The following NRGN variants were observed in gnomAD, a reference collection of about 807,000 sequenced individuals.
NRGN encodes calmodulin-binding protein.
For synonymous variants in NRGN, 47 were observed against 52.8 expected (o/e 0.89, Z 0.47); for missense variants, 82 against 123.0 (o/e 0.67, Z 1.58).
chr11:124,745,891 G>C lies in NRGN; in HGVS notation c.*6-74G>C, dbSNP rs917140908. 1 of 390,380 alleles carries C rather than the reference G, an allele frequency of 2.6e-6. No homozygotes were observed. The highest frequency in any genetic ancestry group is 4.5e-6 in the Non-Finnish European group (1 of 223,538). 24.2% of individuals were successfully genotyped at this position (390,380 alleles called of 1,614,324 possible). A position where few individuals can be genotyped will look rare whatever the true frequency, so the allele number is the denominator to read the frequency against. ...GGAGGTGGGTGGGAAGAGGCTGAAGGTTGCGCGGATTCCAGGAGCTCACCT... is the reference window on the plus strand; with the variant it reads ...GGAGGTGGGTGGGAAGAGGCTGAAGCTTGCGCGGATTCCAGGAGCTCACCT... On this transcript the variant is annotated intron_variant, in intron 2 of 3. Coordinates refer to ENST00000284292, the MANE Select transcript of NRGN (RefSeq NM_006176.3). The surrounding 1 kb of genome is among the most constrained non-coding windows in gnomAD (Gnocchi z 6.4).
Position 124,740,006 on chromosome 11 carries a change from G to GC in NRGN, c.-74dup. The GC allele has an allele frequency of 1.6e-6, 1 of 624,372 alleles. No individual in the cohort carries two copies. Among genetic ancestry groups the GC allele is most frequent in the African/African-American group, 1.9e-5 (1 of 51,896 alleles). The allele number at this position is 624,372 out of a possible 1,614,324, so 38.7% of individuals were successfully genotyped here. ...TCGGCTGGCGGCCGACTGCCCCAGA[G>GC]CCCCCACCCGGCACCACACAGACCC... On this transcript the variant is annotated 5_prime_UTR_variant, in exon 1 of 4. Transcript: ENST00000284292. The surrounding 1 kb of genome is among the most constrained non-coding windows in gnomAD (Gnocchi z 7.5).
At chr11:124,741,336 A>G (rs1943964047) in intron 1 of NRGN, among the ~76,000 whole-genome samples, 1 of 152,222 alleles carries the variant, frequency 6.6e-6, no homozygotes, top group African/African-American at 2.4e-5. Flanking sequence ...GGATTCAAAC[A>G]TAGCCCTGTC....
At chr11:124,742,848 G>T (rs1943977071) in intron 1 of NRGN, among the ~76,000 whole-genome samples, 1 of 152,224 alleles carries the variant, frequency 6.6e-6, no homozygotes, top group African/African-American at 2.4e-5. Flanking sequence ...GGAGCTGAAG[G>T]AGACTTTGTT....
intron 1 of NRGN, among the ~76,000 whole-genome samples, chr11:124,743,540 G>C (rs1943983567): frequency 6.6e-6 from 1 of 151,734 alleles, no homozygotes; most frequent in Non-Finnish European, 1.5e-5. Context: ...CTGTTTTTTT[G>C]ACTCTTCTAC....
At chr11:124,742,036 G>A (rs1943970077) in intron 1 of NRGN, among the ~76,000 whole-genome samples, 3 of 152,218 alleles carry the variant, frequency 2.0e-5, no homozygotes, top group African/African-American at 7.2e-5. Flanking sequence ...CCTGTGCACA[G>A]GAGCCTTCCC....
chr11:124,739,966 C>T lies in NRGN; in HGVS notation c.-119C>T. 1 of 477,320 alleles carries T rather than the reference C, an allele frequency of 2.1e-6. No individual in the cohort carries two copies. Among genetic ancestry groups the T allele is most frequent in the Non-Finnish European group, 3.7e-6 (1 of 270,368 alleles). 29.6% of individuals were successfully genotyped at this position (477,320 alleles called of 1,614,324 possible). ...GAGACCGGACCCGAGAGCAGAGCTG[C>T]TGTTTCGGCGCGGGTCGGCTGGCGG... On this transcript the variant is annotated 5_prime_UTR_variant, in exon 1 of 4. Coordinates refer to ENST00000284292, the MANE Select transcript of NRGN (RefSeq NM_006176.3).
Position 124,745,524 on chromosome 11 carries a change from G to A in NRGN, c.37G>A (p.Asp13Asn). The change falls in exon 2 of 4, where the codon GAC becomes AAC. Residue 13 changes from aspartate (D) to asparagine (N), a missense_variant. Coordinates refer to ENST00000284292, the MANE Select transcript of NRGN (RefSeq NM_006176.3). The surrounding 1 kb of genome is among the most constrained non-coding windows in gnomAD (Gnocchi z 6.4). ...CCAGGAGAACGCCTGCTCCAAGCCGGACGACGACATTCTAGACATCCCGCT... is the reference window on the plus strand; with the variant it reads ...CCAGGAGAACGCCTGCTCCAAGCCGAACGACGACATTCTAGACATCCCGCT... Reference protein sequence around the residue: ...CCTENACSKPDDDILDIPLDD... With the variant: ...CCTENACSKPNDDILDIPLDD... The A allele has an allele frequency of 6.3e-7, 1 of 1,598,992 alleles. No individual in the cohort carries two copies. The highest frequency in any genetic ancestry group is 8.5e-7 in the Non-Finnish European group (1 of 1,174,484).
chr11:124,746,021 T>A, intron 3 of NRGN, 39 bp downstream of exon 3: 1 of 264,742 alleles, frequency 3.8e-6, no homozygotes, highest in Non-Finnish European at 7.1e-6. Context: ...GTGGGACCCG[T>A]GAGTGGGAGA....
chr11:124,746,801 G>T lies in NRGN; in HGVS notation c.*421G>T, dbSNP rs1944017356. On this transcript the variant is annotated 3_prime_UTR_variant, in exon 4 of 4. Transcript: ENST00000284292. ...AAGAAAAAACGAGTTCTTTCGTTCT[G>T]TGCGCAGCTAAAAGGGGCGCCCTAC... The T allele has an allele frequency of 6.6e-6, 1 of 152,472 alleles. No homozygotes were observed. The highest frequency in any genetic ancestry group is 6.5e-5 in the Admixed American group (1 of 15,286). 9.4% of individuals were successfully genotyped at this position (152,472 alleles called of 1,614,324 possible).
Position 124,740,019 on chromosome 11 carries a change from A to G in NRGN, c.-66A>G. On this transcript the variant is annotated 5_prime_UTR_variant, in exon 1 of 4. Coordinates refer to ENST00000284292, the MANE Select transcript of NRGN (RefSeq NM_006176.3). The surrounding 1 kb of genome is among the most constrained non-coding windows in gnomAD (Gnocchi z 7.5). ...GACTGCCCCAGAGCCCCCACCCGGC[A>G]CCACACAGACCCCACCCCCGCCCTG... is the stretch of plus-strand genomic sequence containing the variant. The G allele has an allele frequency of 1.5e-6, 1 of 662,072 alleles. No individual in the cohort carries two copies. The highest frequency in any genetic ancestry group is 1.9e-5 in the African/African-American group (1 of 52,096). The allele number at this position is 662,072 out of a possible 1,614,324, so 41.0% of individuals were successfully genotyped here. A position where few individuals can be genotyped will look rare whatever the true frequency, so the allele number is the denominator to read the frequency against.
In NRGN at chr11:124,740,771, G is replaced by A. The variant is rs999815430; in HGVS notation, c.15+672G>A. On this transcript the variant is annotated intron_variant, in intron 1 of 3. Transcript: ENST00000284292. This position sits in a 1 kb window ranked among gnomAD's most constrained non-coding sequence, Gnocchi z 7.5. ...TGTCAGCGCCCACGCGGAAACCTGG[G>A]TACTGCAAGTGCCCAGCGCCCGAGG... Among the ~76,000 whole-genome samples the A allele has an allele frequency of 2.6e-5, 4 of 152,364 alleles. No individual in the cohort carries two copies. The highest frequency in any genetic ancestry group is 2.6e-4 in the Admixed American group (4 of 15,308).
At position 124,745,666 on chromosome 11, in the gene NRGN, G is replaced by C; in HGVS notation, c.179G>C (p.Gly60Ala). The change falls in exon 2 of 4, where the codon GGG (glycine) becomes GCG (alanine). Residue 60 changes from glycine (G) to alanine (A), a missense_variant. Transcript: ENST00000284292. This position sits in a 1 kb window ranked among gnomAD's most constrained non-coding sequence, Gnocchi z 6.4. The part of the protein sequence containing the change: ...ERGRKGPGPG[G>A]PGGAGVARGG... ...GGCCGGAAGGGCCCGGGCCCTGGGG[G>C]GCCTGGCGGAGCTGGGGTGGCCCGG... 1 of 1,501,060 alleles carries C rather than the reference G, an allele frequency of 6.7e-7. No homozygotes were observed. The highest frequency in any genetic ancestry group is 8.9e-7 in the Non-Finnish European group (1 of 1,129,842). The allele number at this position is 1,501,060 out of a possible 1,614,324, so 93.0% of individuals were successfully genotyped here. A position where few individuals can be genotyped will look rare whatever the true frequency, so the allele number is the denominator to read the frequency against.
chr11:124,746,285 G>A lies in NRGN; in HGVS notation c.*24-119G>A, dbSNP rs944918118. ...CGCTTTGACTCGGGGTGGGGGTTCT[G>A]GGTGACTGGGGCCCTCTGGCACTCA... On this transcript the variant is annotated intron_variant, in intron 3 of 3. Transcript: ENST00000284292. The A allele has an allele frequency of 6.1e-4, 93 of 152,574 alleles. 3 individuals carry two copies. 9.5% of individuals were successfully genotyped at this position (152,574 alleles called of 1,614,324 possible). A position where few individuals can be genotyped will look rare whatever the true frequency, so the allele number is the denominator to read the frequency against.
rs565467193 is a variant in NRGN at position 124,745,366 on chromosome 11, C to T, written c.16-137C>T. ...AGTGAGTGTCCCTGCCATAGCCCTG[C>T]TCCAGGCTCGACACCCCTCTCTGTA... On this transcript the variant is annotated intron_variant, in intron 1 of 3. Transcript: ENST00000284292. The surrounding 1 kb of genome is among the most constrained non-coding windows in gnomAD (Gnocchi z 6.4). The T allele has an allele frequency of 5.5e-6, 3 of 547,862 alleles. No homozygotes were observed. The highest frequency in any genetic ancestry group is 6.8e-5 in the East Asian group (2 of 29,326). The allele number at this position is 547,862 out of a possible 1,614,324, so 33.9% of individuals were successfully genotyped here.
At chr11:124,741,550 AT>A (rs1206397585) in intron 1 of NRGN, among the ~76,000 whole-genome samples, 2 of 151,788 alleles carry the variant, frequency 1.3e-5, no homozygotes, top group Non-Finnish European at 2.9e-5. Flanking sequence ...ACAGGAAGCA[AT>A]TTTTTGGTTG....
intron 1 of NRGN, among the ~76,000 whole-genome samples, chr11:124,742,402 A>G (rs1173590341): frequency 6.6e-6 from 1 of 152,204 alleles, no homozygotes; most frequent in African/African-American, 2.4e-5. Context: ...GAAATGAGGA[A>G]GAAGAAAACA....
chr11:124,745,508 C>G lies in NRGN; in HGVS notation c.21C>G (p.Asn7Lys), dbSNP rs559809272. The change falls in exon 2 of 4, where the codon AAC (asparagine) becomes AAG (lysine). Residue 7 changes from asparagine (N) to lysine (K), a missense_variant. Coordinates refer to ENST00000284292, the MANE Select transcript of NRGN (RefSeq NM_006176.3). The surrounding 1 kb of genome is among the most constrained non-coding windows in gnomAD (Gnocchi z 6.4). ...CCCCCCTGCTTCGCCCCCAGGAGAA[C>G]GCCTGCTCCAAGCCGGACGACGACA... MDCCTE[N>K]ACSKPDDDIL... The G allele has an allele frequency of 6.3e-7, 1 of 1,588,192 alleles. No individual in the cohort carries two copies.
Position 124,745,439 on chromosome 11 carries a change from C to T in NRGN, c.16-64C>T. ...AGTCCCTGTCCCTCAGGGCTCTATT[C>T]CTACCCCACTCCCGCGGATCAAGAC... On this transcript the variant is annotated intron_variant, in intron 1 of 3. Transcript: ENST00000284292. This position sits in a 1 kb window ranked among gnomAD's most constrained non-coding sequence, Gnocchi z 6.4. The T allele has an allele frequency of 7.7e-7, 1 of 1,294,400 alleles. No individual in the cohort carries two copies. Among genetic ancestry groups the T allele is most frequent in the South Asian group, 1.4e-5 (1 of 70,916 alleles). The allele number at this position is 1,294,400 out of a possible 1,614,324, so 80.2% of individuals were successfully genotyped here. A position where few individuals can be genotyped will look rare whatever the true frequency, so the allele number is the denominator to read the frequency against.
intron 1 of NRGN, among the ~76,000 whole-genome samples, chr11:124,741,387 T>A (rs1943964380): frequency 6.6e-6 from 1 of 152,174 alleles, no homozygotes; most frequent in African/African-American, 2.4e-5. Flanking sequence ...TCTAAATATT[T>A]ACTGATTATA....
Sources: gnomAD v4.1 joint callset for allele counts (sites outside exome capture counted in the v4.1 genomes callset) on GRCh38, gnomAD v4.1.1 for gene constraint, Gnocchi (gnomAD v3.1) non-coding constraint, MANE v1.5 for transcripts, NCBI Gene and HGNC (gene_info 2026-07-23, HGNC 2026-07-21) for gene names.